Variants in NCAM2 observed in about 807,000 individuals in gnomAD.
The protein encoded by NCAM2 is neural cell adhesion molecule 2.
In NCAM2, 30 loss-of-function variants were observed where a neutral mutation model predicts 98.1. That is an observed-to-expected ratio of 0.31 (90% CI 0.23 to 0.41). The LOEUF (loss-of-function observed/expected upper bound fraction) is 0.41. Among genes scored for constraint, NCAM2 ranks in the 10% least tolerant of loss-of-function variants. NCAM2 has a pLI of 1.00. For missense variants in NCAM2, 867 were observed against 1,005.8 expected, an observed-to-expected ratio of 0.86 and a Z score of 1.87; for synonymous variants, 368 against 342.4, an observed-to-expected ratio of 1.07 and a Z score of -0.83.
intron 1 of NCAM2, among the ~76,000 whole-genome samples, chr21:21,276,878 A>G (rs2072747878): frequency 6.6e-6 from 1 of 152,084 alleles, no homozygotes; most frequent in Admixed American, 6.5e-5. Context: ...TAATATGTGC[A>G]TTGGTAATTT....
rs1051034897 is a variant in NCAM2 at position 21,425,957 on chromosome 21, T to C, written c.1481-6151T>C. ...CTTACAGTTCTAGGGGCTGGGAAAT[T>C]CAAGATCAAGGCACCATCAGATTTG... is the stretch of plus-strand genomic sequence containing the variant. On this transcript the variant is annotated intron_variant, in intron 11 of 17. Coordinates refer to ENST00000400546, the MANE Select transcript of NCAM2 (RefSeq NM_004540.5). 2.6e-5 allele frequency among the ~76,000 whole-genome samples: 4 copies of C among 152,130 alleles called. No individual in the cohort carries two copies. In the East Asian group the frequency reaches 7.7e-4, roughly 29 times the overall value.
intron 1 of NCAM2, among the ~76,000 whole-genome samples, chr21:21,078,204 A>G (rs1325089411): frequency 1.3e-5 from 2 of 152,176 alleles, no homozygotes; most frequent in Non-Finnish European, 2.9e-5. Flanking sequence ...AGCCATTTTT[A>G]TTAGGGAAAA....
At chr21:21,364,164 A>G (rs1280501226) in intron 8 of NCAM2, among the ~76,000 whole-genome samples, 1 of 152,006 alleles carries the variant, frequency 6.6e-6, no homozygotes, top group African/African-American at 2.4e-5. Flanking sequence ...AACAAAAATA[A>G]TTTGATGAAA....
At position 21,467,072 on chromosome 21, in the gene NCAM2, A is replaced by G. The variant is rs117671786; in HGVS notation, c.1774+347A>G. On this transcript the variant is annotated intron_variant, in intron 13 of 17. Transcript: ENST00000400546. ...GAAAAATGTCTATGTAACATGTTCA[A>G]TATTTTGTTCTTTTTGGAGGCCTGA... Among the ~76,000 whole-genome samples the G allele has an allele frequency of 1.6e-4, 24 of 152,046 alleles. No individual in the cohort carries two copies. The East Asian group carries it at 4.7e-3, about 29-fold the overall frequency.
At chr21:21,183,707 G>A (rs899145744) in intron 1 of NCAM2, among the ~76,000 whole-genome samples, 4 of 152,084 alleles carry the variant, frequency 2.6e-5, no homozygotes, top group Non-Finnish European at 4.4e-5. Flanking sequence ...AAATTCGTAT[G>A]ATTATAATGT....
chr21:21,428,764 G>T (rs566694821), intron 11 of NCAM2, among the ~76,000 whole-genome samples: 1 of 152,324 alleles, frequency 6.6e-6, no homozygotes, highest in South Asian at 2.1e-4. Flanking sequence ...TCCAGAAAGT[G>T]AAGAGAAGAA....
chr21:21,132,598 C>A (rs1368217668), intron 1 of NCAM2, among the ~76,000 whole-genome samples: 4 of 152,166 alleles, frequency 2.6e-5, no homozygotes, highest in Non-Finnish European at 5.9e-5. Context: ...ACAGTCCCTA[C>A]ACACATTAAA....
intron 1 of NCAM2, among the ~76,000 whole-genome samples, chr21:21,007,076 A>G (rs2064125841): frequency 6.6e-6 from 1 of 152,064 alleles, no homozygotes; most frequent in Non-Finnish European, 1.5e-5. Flanking sequence ...AAGTTTTCAG[A>G]CCCCAGAGAT....
intron 15 of NCAM2, among the ~76,000 whole-genome samples, chr21:21,506,593 G>C (rs1361203702): frequency 6.6e-6 from 1 of 151,942 alleles, no homozygotes; most frequent in South Asian, 2.1e-4. Flanking sequence ...CTTGTTTATT[G>C]AGATTTTGCA....
intron 12 of NCAM2, among the ~76,000 whole-genome samples, chr21:21,450,793 T>TGTATGTATGTATACACACAC (rs751489970): frequency 7.7e-5 from 11 of 143,532 alleles, no homozygotes; most frequent in East Asian, 2.1e-4. Context: ...TATGTATGTA[T>TGTATGTATGTATACACACAC]ACACACACAC....
intron 8 of NCAM2, among the ~76,000 whole-genome samples, chr21:21,371,090 T>G (rs192897411): frequency 2.0e-5 from 3 of 151,770 alleles, no homozygotes; most frequent in Non-Finnish European, 4.4e-5. Context: ...GAAATTGAAA[T>G]AAGAGGAAGA....
At chr21:21,432,307 T>C in intron 12 of NCAM2, 26 bp downstream of exon 12, 7 of 1,606,652 alleles carry the variant, frequency 4.4e-6, no homozygotes, top group South Asian at 1.1e-5. Context: ...CAAAATGTGT[T>C]GGTTAATTCA....
chr21:21,444,784 C>T (rs1044525535), intron 12 of NCAM2, among the ~76,000 whole-genome samples: 6 of 152,070 alleles, frequency 3.9e-5, no homozygotes, highest in Non-Finnish European at 5.9e-5. Context: ...AAAAAACCAG[C>T]TCCTGGATTC....
chr21:21,422,261 T>C (rs534005105), intron 11 of NCAM2, among the ~76,000 whole-genome samples: 1 of 152,216 alleles, frequency 6.6e-6, no homozygotes, highest in African/African-American at 2.4e-5. Flanking sequence ...AGCTTAACAG[T>C]GTGTACACAC....
At chr21:21,264,189 T>G (rs1471361628) in intron 1 of NCAM2, among the ~76,000 whole-genome samples, 2 of 151,850 alleles carry the variant, frequency 1.3e-5, no homozygotes, top group Admixed American at 6.6e-5. Flanking sequence ...GCACAGGAAA[T>G]GAACAGATAC....
chr21:21,294,193 T>C (rs1015771306), intron 5 of NCAM2, among the ~76,000 whole-genome samples: 2 of 151,746 alleles, frequency 1.3e-5, no homozygotes, highest in African/African-American at 4.8e-5. Context: ...GTAATCTTTT[T>C]CCCTACTAGA....
At chr21:21,299,688 A>G (rs1474554281) in intron 5 of NCAM2, among the ~76,000 whole-genome samples, 1 of 151,652 alleles carries the variant, frequency 6.6e-6, no homozygotes, top group Non-Finnish European at 1.5e-5. Flanking sequence ...AAGCAATTCT[A>G]AATATGACCT....
At chr21:21,386,717 T>A (rs992645325) in intron 9 of NCAM2, among the ~76,000 whole-genome samples, 1 of 152,222 alleles carries the variant, frequency 6.6e-6, no homozygotes, top group African/African-American at 2.4e-5. Flanking sequence ...CAGGTGTTAT[T>A]TGATTCAGAT....
chr21:21,367,388 G>A lies in NCAM2; in HGVS notation c.1045-6475G>A, dbSNP rs539723285. ...AAATGTTTTATTATTTATTATAGCA[G>A]TTGTCTCCTCCTATAGTAGTTATTT... On this transcript the variant is annotated intron_variant, in intron 8 of 17. Transcript: ENST00000400546. 8.6e-5 allele frequency among the ~76,000 whole-genome samples: 13 copies of A among 151,910 alleles called. 1 individual carries two copies. The East Asian group carries it at 2.5e-3, about 29-fold the overall frequency.
Sources: allele counts gnomAD v4.1 joint callset (sites outside exome capture counted in the v4.1 genomes callset), GRCh38; gene constraint gnomAD v4.1.1; transcripts MANE v1.5; gene names NCBI Gene and HGNC (gene_info 2026-07-23, HGNC 2026-07-21).